The following MED15 variants were observed in gnomAD, a reference collection of about 807,000 sequenced individuals.
MED15 encodes the protein mediator complex subunit 15, also known as mediator of RNA polymerase II transcription subunit 15.
In MED15, 41 loss-of-function variants were observed where a neutral mutation model predicts 118.7. The ratio of observed to expected loss-of-function variants is 0.35; its 90% CI spans 0.27 to 0.45. The LOEUF is 0.45. Ranked by LOEUF, MED15 falls within the 20% of genes least tolerant of loss-of-function variation. The pLI, the probability that MED15 is intolerant of heterozygous loss-of-function variation, is 1.00. For missense variants in MED15, 740 were observed against 1,025.5 expected (o/e 0.72, Z 3.80); for synonymous variants, 436 against 413.9 (o/e 1.05, Z -0.65).
At chr22:20,549,817 C>T (rs1389577055) in intron 2 of MED15, among the ~76,000 whole-genome samples, 2 of 152,164 alleles carry the variant, frequency 1.3e-5, no homozygotes, top group Non-Finnish European at 2.9e-5. Flanking sequence ...GTGCTGGGCA[C>T]TGCAGGATGA....
At chr22:20,545,112 A>G (rs1252114053) in intron 2 of MED15, among the ~76,000 whole-genome samples, 2 of 152,222 alleles carry the variant, frequency 1.3e-5, no homozygotes, top group African/African-American at 4.8e-5. Flanking sequence ...TTAGCCTGCC[A>G]CAGACAGAAA....
At chr22:20,523,533 A>T in intron 1 of MED15, 1 of 424,052 alleles carries the variant, frequency 2.4e-6, no homozygotes, top group Non-Finnish European at 3.2e-6. Context: ...GATGATTTCA[A>T]CTGTGAGTAC....
rs73386146 is a variant in MED15, at chr22:20,558,506, A to G, written c.451+3358A>G. Reference sequence around the variant, plus strand: ...TTCACTCTGCGCATTTTTGTTTCTCATGAGTTTTATATGACGTGCATGTAA... The same window carrying G: ...TTCACTCTGCGCATTTTTGTTTCTCGTGAGTTTTATATGACGTGCATGTAA... On this transcript the variant is annotated intron_variant, in intron 5 of 17. Coordinates refer to ENST00000263205, the MANE Select transcript of MED15 (RefSeq NM_001003891.3). Among the ~76,000 whole-genome samples, 1,501 of 152,292 alleles carry G rather than the reference A, an allele frequency of 9.9e-3. 26 individuals are homozygous for G. The highest frequency in any genetic ancestry group is 0.034 in the African/African-American group (1,418 of 41,550).
intron 2 of MED15, among the ~76,000 whole-genome samples, chr22:20,548,082 A>G (rs1052995528): frequency 2.0e-5 from 3 of 152,128 alleles, no homozygotes; most frequent in Non-Finnish European, 2.9e-5. Flanking sequence ...GGTGTAAGCA[A>G]TACTCCTACT....
At chr22:20,513,038 C>G (rs528107214) in intron 1 of MED15, among the ~76,000 whole-genome samples, 1 of 152,076 alleles carries the variant, frequency 6.6e-6, no homozygotes, top group Admixed American at 6.6e-5. Context: ...CCACGCCCGG[C>G]CGGGTCACCT....
intron 1 of MED15, among the ~76,000 whole-genome samples, chr22:20,511,077 G>T (rs868622251): frequency 6.6e-6 from 1 of 152,126 alleles, no homozygotes; most frequent in Middle Eastern, 3.4e-3. Context: ...TGCTCATAGG[G>T]TTAAAAAAAG....
chr22:20,586,347 A>C (rs1019968780), intron 17 of MED15, among the ~76,000 whole-genome samples: 3 of 152,098 alleles, frequency 2.0e-5, no homozygotes, highest in African/African-American at 4.8e-5. Context: ...CTGGGTCCCC[A>C]AGGTTGTTAG....
At chr22:20,571,646 A>G (rs1569237790) in intron 8 of MED15, among the ~76,000 whole-genome samples, 1 of 152,228 alleles carries the variant, frequency 6.6e-6, no homozygotes, top group African/African-American at 2.4e-5. Flanking sequence ...GGGCACCCTC[A>G]CTGCCTTGTT....
At chr22:20,547,586 G>C (rs1271024531) in intron 2 of MED15, among the ~76,000 whole-genome samples, 1 of 152,164 alleles carries the variant, frequency 6.6e-6, no homozygotes, top group African/African-American at 2.4e-5. Flanking sequence ...TTGGGAGGCT[G>C]AGGTGGGCGG....
chr22:20,567,797 C>T (rs147867163), intron 7 of MED15, among the ~76,000 whole-genome samples: 114 of 152,310 alleles, frequency 7.5e-4, no homozygotes, highest in African/African-American at 2.6e-3. Context: ...CCTGTCTCGT[C>T]CTTCTGGAGG....
chr22:20,539,684 T>C, intron 2 of MED15, among the ~76,000 whole-genome samples: 1 of 152,226 alleles, frequency 6.6e-6, no homozygotes, highest in East Asian at 1.9e-4. Context: ...CTGTACTATT[T>C]TAAATTCTCA....
chr22:20,556,307 T>G (rs918864751), intron 5 of MED15, among the ~76,000 whole-genome samples: 5 of 151,808 alleles, frequency 3.3e-5, no homozygotes, highest in African/African-American at 9.7e-5. Flanking sequence ...CATCAGTTTT[T>G]TTTTTTTTTT....
Position 20,564,628 on chromosome 22 carries a change from C to T in MED15, c.630C>T (p.Leu210=). The part of the protein sequence containing the change: ...FQAVVQQQQQ[L]QQQQQQQQHL... ...CAGTAGTGCAGCAGCAGCAGCAGCT[C>T]CAGCAGCAGCAGCAGCAGCAGCAGC... The change falls in exon 6 of 18, where the codon CTC becomes CTT. Residue 210 remains leucine, a synonymous_variant. Transcript: ENST00000263205. 6.2e-7 allele frequency: 1 copy of T among 1,606,634 alleles called. No individual in the cohort carries two copies. Among genetic ancestry groups the T allele is most frequent in the Non-Finnish European group, 8.5e-7 (1 of 1,175,140 alleles).
At chr22:20,552,488 C>A in intron 3 of MED15, 1 of 408,392 alleles carries the variant, frequency 2.4e-6, no homozygotes. Context: ...AGGAGCAGCC[C>A]AGATGATCTG....
intron 8 of MED15, among the ~76,000 whole-genome samples, chr22:20,572,534 T>G (rs2056697871): frequency 6.6e-6 from 1 of 152,220 alleles, no homozygotes; most frequent in African/African-American, 2.4e-5. Context: ...CACACCTGGT[T>G]CTCTTTCCAG....
chr22:20,578,883 T>C (rs2056897343), intron 9 of MED15, among the ~76,000 whole-genome samples: 1 of 151,844 alleles, frequency 6.6e-6, no homozygotes, highest in African/African-American at 2.4e-5. Context: ...TGGGCTCTTC[T>C]CCAGAGGGCA....
At chr22:20,530,247 A>G (rs576125435) in intron 1 of MED15, among the ~76,000 whole-genome samples, 31 of 152,264 alleles carry the variant, frequency 2.0e-4, no homozygotes, top group Non-Finnish European at 3.2e-4. Context: ...GCAGCAATTT[A>G]CTGGGAGGCT....
Position 20,566,517 on chromosome 22 carries a change from A to ACAACAGCAACAG in MED15, c.744_755dup (p.Gln259_Gln262dup). ...AGCGAATAGCACAGCTGCAGCTCCAACAACAGCAACAGCAGCAGCAGCAGC... is the reference window on the plus strand; with the variant it reads ...AGCGAATAGCACAGCTGCAGCTCCAACAACAGCAACAGCAACAGCAACAGCAGCAGCAGCAGC... On this transcript the variant is annotated inframe_insertion, in exon 7 of 18. Transcript: ENST00000263205. The ACAACAGCAACAG allele has an allele frequency of 6.2e-7, 1 of 1,602,624 alleles. No homozygotes were observed. Among genetic ancestry groups the ACAACAGCAACAG allele is most frequent in the Non-Finnish European group, 8.5e-7 (1 of 1,172,556 alleles).
chr22:20,541,429 A>C (rs1199522022), intron 2 of MED15, among the ~76,000 whole-genome samples: 1 of 152,188 alleles, frequency 6.6e-6, no homozygotes, highest in South Asian at 2.1e-4. Context: ...TTCCATTATA[A>C]TGGCTATGAT....
Sources: gnomAD v4.1 joint callset for allele counts (sites outside exome capture counted in the v4.1 genomes callset) on GRCh38, gnomAD v4.1.1 for gene constraint, MANE v1.5 for transcripts, NCBI Gene and HGNC (gene_info 2026-07-23, HGNC 2026-07-21) for gene names.